The following KIAA1217 variants were observed in gnomAD, a reference collection of about 807,000 sequenced individuals.
The protein encoded by KIAA1217 is sickle tail protein homolog.
A neutral mutation model predicts 163.9 loss-of-function variants in KIAA1217; 88 were observed. That is an observed-to-expected ratio of 0.54 (90% CI 0.45 to 0.64). The LOEUF is 0.64. KIAA1217 is among the 30% of genes least tolerant of loss of function. KIAA1217 has a pLI of 0.00. For synonymous variants in KIAA1217, 903 were observed against 923.1 expected (o/e 0.98, Z 0.39); for missense variants, 2,372 against 2,475.0 (o/e 0.96, Z 0.88).
chr10:24,191,092 A>T (rs1224662479), intron 2 of KIAA1217, among the ~76,000 whole-genome samples: 1 of 152,108 alleles, frequency 6.6e-6, no homozygotes, highest in African/African-American at 2.4e-5. Context: ...AGGTAGGAGG[A>T]TGACTTGAGC....
At chr10:24,157,164 A>C (rs1423219725) in intron 2 of KIAA1217, among the ~76,000 whole-genome samples, 2 of 152,216 alleles carry the variant, frequency 1.3e-5, no homozygotes, top group Non-Finnish European at 2.9e-5. Context: ...CCACTTCCTT[A>C]CCAGACTTTG....
intron 1 of KIAA1217, among the ~76,000 whole-genome samples, chr10:23,924,575 G>T (rs936810565): frequency 1.3e-5 from 2 of 152,152 alleles, no homozygotes; most frequent in Non-Finnish European, 2.9e-5. Context: ...AGCAAAATTA[G>T]ACATAGAGAA....
At position 24,494,529 on chromosome 10, in the gene KIAA1217, T is replaced by C. The variant is rs1472469299; in HGVS notation, c.1709T>C (p.Ile570Thr). 1.9e-6 allele frequency: 3 copies of C among 1,613,800 alleles called. No homozygotes were observed. The highest frequency in any genetic ancestry group is 1.3e-5 in the African/African-American group (1 of 74,908). Reference sequence around the variant, plus strand: ...AGGATGCAAGCCATGGAGAAACAGATTGCCAGTTTAACTGGCCTTGTTCAG... The same window carrying C: ...AGGATGCAAGCCATGGAGAAACAGACTGCCAGTTTAACTGGCCTTGTTCAG... Reference protein sequence around the residue: ...RERMQAMEKQIASLTGLVQSA... With the variant: ...RERMQAMEKQTASLTGLVQSA... The change falls in exon 7 of 21, where the codon ATT becomes ACT. Residue 570 changes from isoleucine (I) to threonine (T), a missense_variant. By Grantham distance (89) the Ile-to-Thr change is moderately conservative. Coordinates refer to ENST00000376454, the MANE Select transcript of KIAA1217 (RefSeq NM_019590.5).
chr10:24,092,442 G>A (rs2061969831), intron 2 of KIAA1217, among the ~76,000 whole-genome samples: 1 of 151,698 alleles, frequency 6.6e-6, no homozygotes, highest in South Asian at 2.1e-4. Context: ...TTCAAACAAA[G>A]CCTGTATGCA....
At chr10:24,366,793 C>T (rs761471967) in intron 2 of KIAA1217, among the ~76,000 whole-genome samples, 2 of 152,184 alleles carry the variant, frequency 1.3e-5, no homozygotes, top group African/African-American at 2.4e-5. Flanking sequence ...TGGGCAGGCT[C>T]TAGTAAGTTC....
At chr10:24,399,680 G>C (rs1399694983) in intron 3 of KIAA1217, among the ~76,000 whole-genome samples, 1 of 152,158 alleles carries the variant, frequency 6.6e-6, no homozygotes, top group African/African-American at 2.4e-5. Flanking sequence ...GAGAGTTAAT[G>C]TGAGGTTGAA....
At chr10:24,157,669 A>T (rs1465253240) in intron 2 of KIAA1217, among the ~76,000 whole-genome samples, 1 of 152,186 alleles carries the variant, frequency 6.6e-6, no homozygotes. Flanking sequence ...CACAAAAAAA[A>T]TTTTCAACAT....
chr10:24,373,648 T>C (rs1387328333), intron 2 of KIAA1217, among the ~76,000 whole-genome samples: 2 of 152,184 alleles, frequency 1.3e-5, no homozygotes, highest in Non-Finnish European at 2.9e-5. Context: ...TGGAGAGTAT[T>C]TGCATAGTGT....
rs550430277 is a variant in KIAA1217, at chr10:24,348,295, A to T, written c.355-32574A>T. Among the ~76,000 whole-genome samples, 13 of 152,140 alleles carry T rather than the reference A, an allele frequency of 8.5e-5. No individual in the cohort carries two copies. In the East Asian group the frequency reaches 2.5e-3, roughly 29 times the overall value. ...AGAAGTTGCAGTGAGCCAAGATCAC[A>T]CCACTGCACTCTAGCCTGGGTGACA... On this transcript the variant is annotated intron_variant, in intron 2 of 20. Coordinates refer to ENST00000376454, the MANE Select transcript of KIAA1217 (RefSeq NM_019590.5).
At chr10:24,490,511 C>A (rs2065971825) in intron 6 of KIAA1217, among the ~76,000 whole-genome samples, 1 of 152,124 alleles carries the variant, frequency 6.6e-6, no homozygotes, top group Admixed American at 6.6e-5. Context: ...AAAATTGTTT[C>A]CAGATTACCA....
At chr10:23,836,963 A>G (rs1327063487) in intron 1 of KIAA1217, among the ~76,000 whole-genome samples, 2 of 151,752 alleles carry the variant, frequency 1.3e-5, no homozygotes, top group East Asian at 3.9e-4. Context: ...GGGAATGAAT[A>G]AGGTACATTG....
chr10:23,864,072 G>GCTA (rs552943013), intron 1 of KIAA1217, among the ~76,000 whole-genome samples: 1 of 149,164 alleles, frequency 6.7e-6, no homozygotes, highest in Non-Finnish European at 1.5e-5. Flanking sequence ...TTGTAAAGTA[G>GCTA]TTATTATTAT....
chr10:24,489,444 T>G (rs1362207629), intron 6 of KIAA1217, among the ~76,000 whole-genome samples: 1 of 152,106 alleles, frequency 6.6e-6, no homozygotes. Context: ...CATATGCTAC[T>G]GACTTGTTTC....
intron 3 of KIAA1217, among the ~76,000 whole-genome samples, chr10:24,412,201 C>A (rs1227801515): frequency 6.6e-6 from 1 of 151,632 alleles, no homozygotes; most frequent in East Asian, 1.9e-4. Flanking sequence ...GAGAAGAAAT[C>A]TGAATCTTCT....
intron 1 of KIAA1217, among the ~76,000 whole-genome samples, chr10:23,732,233 G>A (rs187744818): frequency 4.0e-3 from 604 of 151,764 alleles, no homozygotes; most frequent in African/African-American, 0.013. Flanking sequence ...TTTGGTTTTG[G>A]GAGATTAATA....
intron 2 of KIAA1217, among the ~76,000 whole-genome samples, chr10:24,125,817 A>C (rs1172552233): frequency 2.6e-5 from 4 of 152,200 alleles, no homozygotes; most frequent in Non-Finnish European, 5.9e-5. Context: ...TTAGTTGGAC[A>C]TATTCTTCTA....
At chr10:24,411,776 T>C (rs1435003286) in intron 3 of KIAA1217, among the ~76,000 whole-genome samples, 2 of 152,180 alleles carry the variant, frequency 1.3e-5, no homozygotes, top group Non-Finnish European at 2.9e-5. Context: ...CTTTTTTTTT[T>C]CATTCGTGTC....
intron 1 of KIAA1217, among the ~76,000 whole-genome samples, chr10:23,710,184 A>G (rs1837162679): frequency 6.8e-6 from 1 of 146,092 alleles, no homozygotes; most frequent in Non-Finnish European, 1.5e-5. Flanking sequence ...TGCAGACTGC[A>G]CTTTTTCTAG....
In KIAA1217 at chr10:24,513,492, A is replaced by C. The variant is rs2069526231; in HGVS notation, c.2177+58A>C. 9.0e-6 allele frequency: 14 copies of C among 1,548,548 alleles called. No individual in the cohort carries two copies. In the Admixed American group the frequency reaches 2.4e-4, roughly 27 times the overall value. ...TCACCTGCAAAGGAAAATTATCATT[A>C]CTAAGAAGGAGGTCCTTCCCAGTTG... is the stretch of plus-strand genomic sequence containing the variant. On this transcript the variant is annotated intron_variant, in intron 10 of 20. Coordinates refer to ENST00000376454, the MANE Select transcript of KIAA1217 (RefSeq NM_019590.5).
Sources: allele counts gnomAD v4.1 joint callset (sites outside exome capture counted in the v4.1 genomes callset), GRCh38; gene constraint gnomAD v4.1.1; transcripts MANE v1.5; gene names NCBI Gene and HGNC (gene_info 2026-07-23, HGNC 2026-07-21).